Variants in RCBTB1 observed in about 807,000 individuals in gnomAD.
RCBTB1 encodes the protein RCC1 and BTB domain containing protein 1.
In RCBTB1, 46 loss-of-function variants were observed where a neutral mutation model predicts 62.4. The observed-to-expected ratio is 0.74, with a 90% CI of 0.58 to 0.94. The LOEUF is 0.94. Ranked by LOEUF, RCBTB1 falls within the 40% of genes least tolerant of loss-of-function variation. The pLI is 0.00. For missense variants in RCBTB1, 565 were observed against 654.9 expected (o/e 0.86, Z 1.50); for synonymous variants, 222 against 245.8 (o/e 0.90, Z 0.91).
At chr13:49,556,071 A>G (rs1349691223) in intron 5 of RCBTB1, among the ~76,000 whole-genome samples, 3 of 152,162 alleles carry the variant, frequency 2.0e-5, no homozygotes, top group Non-Finnish European at 1.5e-5. Flanking sequence ...ACACATACGA[A>G]TGTGGCATCA....
At chr13:49,552,089 C>G in intron 7 of RCBTB1, 89 bp downstream of exon 7, 4 of 818,868 alleles carry the variant, frequency 4.9e-6, no homozygotes. Context: ...CCAGAAAAGA[C>G]TGACTGAAGA....
At position 49,533,941 on chromosome 13, in the gene RCBTB1, TG is replaced by T. The variant is rs1374166721; in HGVS notation, c.*180del. On this transcript the variant is annotated 3_prime_UTR_variant, in exon 13 of 13. Transcript: ENST00000378302. ...ATCTGGAAACAAGGGTTGTTTAAAA[TG>T]GGCTCAAGAAAAGCCGTACACCCTT... 7.8e-6 allele frequency: 4 copies of T among 513,548 alleles called. No individual in the cohort carries two copies. The Admixed American group carries it at 9.2e-5, about 12-fold the overall frequency. 31.8% of individuals were successfully genotyped at this position (513,548 alleles called of 1,614,324 possible).
chr13:49,547,470 T>C (rs1960900176), intron 9 of RCBTB1, among the ~76,000 whole-genome samples: 1 of 152,180 alleles, frequency 6.6e-6, no homozygotes, highest in Non-Finnish European at 1.5e-5. Context: ...CCTCTGCTTA[T>C]AAATAAAACA....
At chr13:49,547,389 A>G (rs1187228282) in intron 9 of RCBTB1, among the ~76,000 whole-genome samples, 1 of 152,228 alleles carries the variant, frequency 6.6e-6, no homozygotes, top group Non-Finnish European at 1.5e-5. Flanking sequence ...CAATTGCTGA[A>G]CAACCCAAAC....
chr13:49,575,199 A>G lies in RCBTB1; in HGVS notation c.-42+5306T>C, dbSNP rs560201174. Among the ~76,000 whole-genome samples the G allele has an allele frequency of 5.3e-4, 80 of 152,336 alleles. No individual in the cohort carries two copies. The Middle Eastern group carries it at 0.027, about 52-fold the overall frequency. ...CAGAGAAATCCAAATCAAAACCACA[A>G]TGAGATACTATCTCACACCAGTCAG... On this transcript the variant is annotated intron_variant, in intron 2 of 12. Transcript: ENST00000378302.
intron 2 of RCBTB1, among the ~76,000 whole-genome samples, chr13:49,569,703 T>C (rs979802120): frequency 2.2e-5 from 3 of 138,302 alleles, no homozygotes; most frequent in Admixed American, 7.5e-5. Flanking sequence ...GGTGGCAGAG[T>C]GAGAGACCCT....
chr13:49,536,025 A>G (rs989073926), intron 12 of RCBTB1, among the ~76,000 whole-genome samples: 4 of 147,178 alleles, frequency 2.7e-5, no homozygotes, highest in African/African-American at 9.9e-5. Context: ...CTCCATCTCA[A>G]AAAAAAAAAA....
At position 49,548,029 on chromosome 13, in the gene RCBTB1, TTGGC is replaced by T. The variant is rs1960964863; in HGVS notation, c.1045+1425_1045+1428del. ...CCTGAGCTCAAGCAATCCACCCACC[TTGGC>T]CTCCCAAAGTGCTGAGATTACAGGT... is the stretch of plus-strand genomic sequence containing the variant. On this transcript the variant is annotated intron_variant, in intron 9 of 12. Transcript: ENST00000378302. 2.0e-5 allele frequency among the ~76,000 whole-genome samples: 3 copies of T among 152,084 alleles called. No individual in the cohort carries two copies. The South Asian group carries it at 6.2e-4, about 32-fold the overall frequency.
chr13:49,546,632 G>C (rs1366953470), intron 9 of RCBTB1, among the ~76,000 whole-genome samples: 1 of 152,244 alleles, frequency 6.6e-6, no homozygotes, highest in Non-Finnish European at 1.5e-5. Context: ...GGGGTGATGG[G>C]AGACAGTGAC....
rs760586046 is a variant in RCBTB1, at chr13:49,551,460, G to A, written c.720C>T (p.Cys240=). ...LHSVCVNQIV[C]GYAHTLALTD... ...TTAGTGCTAGAGTATGTGCGTAACC[G>A]CAGACAATCTGCAAGTAAATTGAAA... Residue 240 remains cysteine (C), a synonymous_variant, in exon 8 of 13, where the codon TGC becomes TGT. Transcript: ENST00000378302. 1.1e-5 allele frequency: 17 copies of A among 1,613,614 alleles called. No homozygotes were observed. Among genetic ancestry groups the A allele is most frequent in the East Asian group, 2.2e-5 (1 of 44,880 alleles).
At chr13:49,551,634 C>T (rs949077719) in intron 7 of RCBTB1, among the ~76,000 whole-genome samples, 166 bp from the exon 8 acceptor site, 10 of 152,216 alleles carry the variant, frequency 6.6e-5, no homozygotes, top group Admixed American at 1.3e-4. Context: ...GGCGTGGTGG[C>T]TCATGCCTGT....
At chr13:49,556,769 C>A (rs1961932172) in intron 5 of RCBTB1, among the ~76,000 whole-genome samples, 1 of 152,144 alleles carries the variant, frequency 6.6e-6, no homozygotes, top group Admixed American at 6.6e-5. Context: ...AACACCTCCT[C>A]AAAGTATATT....
chr13:49,568,936 A>C (rs1963213295), intron 2 of RCBTB1, among the ~76,000 whole-genome samples: 1 of 152,222 alleles, frequency 6.6e-6, no homozygotes, highest in Non-Finnish European at 1.5e-5. Flanking sequence ...TCGAAAATAA[A>C]AAATAATGAT....
chr13:49,555,090 G>A (rs1430024366), intron 6 of RCBTB1, among the ~76,000 whole-genome samples: 1 of 152,188 alleles, frequency 6.6e-6, no homozygotes, highest in Non-Finnish European at 1.5e-5. Flanking sequence ...ATCTGCTTTT[G>A]CAAGTTGCTT....
chr13:49,537,818 T>C (rs1443561707), intron 12 of RCBTB1: 1 of 152,212 alleles, frequency 6.6e-6, no homozygotes, highest in Non-Finnish European at 1.5e-5. Context: ...ATAAAACTTG[T>C]GGACAGTTTC....
chr13:49,553,377 T>C (rs928008798), intron 6 of RCBTB1, among the ~76,000 whole-genome samples: 9 of 152,294 alleles, frequency 5.9e-5, no homozygotes, highest in Middle Eastern at 6.8e-3. Flanking sequence ...CTTCCCTCGT[T>C]AGCAAATAGG....
chr13:49,544,065 C>T (rs190622118), intron 10 of RCBTB1, among the ~76,000 whole-genome samples: 69 of 152,294 alleles, frequency 4.5e-4, no homozygotes, highest in Admixed American at 1.4e-3. Context: ...TCTGCTTAAT[C>T]TATAATTAAA....
intron 1 of RCBTB1, among the ~76,000 whole-genome samples, chr13:49,583,538 C>G (rs1448044850): frequency 6.6e-6 from 1 of 152,016 alleles, no homozygotes; most frequent in African/African-American, 2.4e-5. Context: ...TTCTTCAGCA[C>G]GTACACAACA....
chr13:49,554,504 G>A (rs1352267796), intron 6 of RCBTB1, among the ~76,000 whole-genome samples: 1 of 151,986 alleles, frequency 6.6e-6, no homozygotes, highest in African/African-American at 2.4e-5. Context: ...CCTAGCACAG[G>A]GGTCCCCAGT....
Sources: gnomAD v4.1 joint callset for allele counts (sites outside exome capture counted in the v4.1 genomes callset) on GRCh38, gnomAD v4.1.1 for gene constraint, MANE v1.5 for transcripts, NCBI Gene and HGNC (gene_info 2026-07-23, HGNC 2026-07-21) for gene names.